DPYSL2: variants seen among roughly 807,000 people sequenced by gnomAD.
DPYSL2 encodes the protein dihydropyrimidinase like 2, also known as dihydropyrimidinase-related protein 2.
In DPYSL2, 13 loss-of-function variants were observed where a neutral mutation model predicts 69.9. That is an observed-to-expected ratio of 0.19 (90% CI 0.12 to 0.30). DPYSL2 has a LOEUF of 0.30. Among genes scored for constraint, DPYSL2 ranks in the 10% least tolerant of loss-of-function variants. The pLI is 1.00. For missense variants in DPYSL2, 587 were observed against 918.9 expected (o/e 0.64, Z 4.67); for synonymous variants, 326 against 359.1 (o/e 0.91, Z 1.04).
rs1038063509 is a variant in DPYSL2, at chr8:26,585,496, C to T, written c.628+1513C>T. Among the ~76,000 whole-genome samples the T allele has an allele frequency of 3.3e-5, 5 of 152,058 alleles. No individual in the cohort carries two copies. Among genetic ancestry groups the T allele is most frequent in the Admixed American group, 1.3e-4 (2 of 15,272 alleles). ...GAAAAGCCTCCAAGTGTAAGCCTTG[C>T]GACTTGTGTCTTGCTGTACATGTTG... On this transcript the variant is annotated intron_variant, in intron 3 of 13. Coordinates refer to ENST00000521913, the MANE Select transcript of DPYSL2 (RefSeq NM_001197293.3). This position sits in a 1 kb window ranked among gnomAD's most constrained non-coding sequence, Gnocchi z 4.0.
chr8:26,569,367 AAAAC>A (rs1563390231), intron 1 of DPYSL2, among the ~76,000 whole-genome samples: 1,333 of 131,670 alleles, frequency 0.01, 30 homozygotes, highest in African/African-American at 0.035. Context: ...AAAAAAAACA[AAAAC>A]AAAAACAAAA....
chr8:26,622,965 TC>T (rs1248306338), intron 3 of DPYSL2, among the ~76,000 whole-genome samples: 1 of 152,320 alleles, frequency 6.6e-6, no homozygotes, highest in East Asian at 1.9e-4. Context: ...AAGTGTTCAG[TC>T]CTGGTTTTTA....
chr8:26,593,221 A>G lies in DPYSL2; in HGVS notation c.628+9238A>G, dbSNP rs1428186608. On this transcript the variant is annotated intron_variant, in intron 3 of 13. Transcript: ENST00000521913. This position sits in a 1 kb window ranked among gnomAD's most constrained non-coding sequence, Gnocchi z 5.7. Reference sequence around the variant, plus strand: ...TGCTGTCCAGTTAAGAGAATTTTGCAATGAACTAGGGCAGTGGTTTAAAAA... The same window carrying G: ...TGCTGTCCAGTTAAGAGAATTTTGCGATGAACTAGGGCAGTGGTTTAAAAA... 6.6e-6 allele frequency among the ~76,000 whole-genome samples: 1 copy of G among 152,086 alleles called. No individual in the cohort carries two copies. The highest frequency in any genetic ancestry group is 1.5e-5 in the Non-Finnish European group (1 of 68,026).
At chr8:26,637,631 A>C (rs551120510) in intron 8 of DPYSL2, 1 of 152,348 alleles carries the variant, frequency 6.6e-6, no homozygotes, top group East Asian at 1.9e-4. Flanking sequence ...GGTAATGTAC[A>C]CACAAGGATT....
Position 26,580,794 on chromosome 8 carries a change from A to G in DPYSL2, c.355-1175A>G, listed in dbSNP as rs1462353383. ...AAATGTGTTGCATATTAAAAGGGCA[A>G]TGTATGGTTCAGCTTGCCAGGTTTA... On this transcript the variant is annotated intron_variant, in intron 1 of 13. Coordinates refer to ENST00000521913, the MANE Select transcript of DPYSL2 (RefSeq NM_001197293.3). The surrounding 1 kb of genome is among the most constrained non-coding windows in gnomAD (Gnocchi z 4.1). Among the ~76,000 whole-genome samples the G allele has an allele frequency of 1.3e-5, 2 of 152,198 alleles. No individual in the cohort carries two copies. Among genetic ancestry groups the G allele is most frequent in the African/African-American group, 2.4e-5 (1 of 41,448 alleles).
At chr8:26,568,476 A>C (rs972971698) in intron 1 of DPYSL2, among the ~76,000 whole-genome samples, 1 of 152,120 alleles carries the variant, frequency 6.6e-6, no homozygotes, top group African/African-American at 2.4e-5. Flanking sequence ...AGGGTGGGGG[A>C]GTAAGGAGGG....
chr8:26,622,165 C>CTT lies in DPYSL2; in HGVS notation c.629-1977_629-1976insTT. On this transcript the variant is annotated intron_variant, in intron 3 of 13. Coordinates refer to ENST00000521913, the MANE Select transcript of DPYSL2 (RefSeq NM_001197293.3). ...TCCTTCCTTCCTTCCTTCCCTCTCT[C>CTT]TCTCTTTCTTTCTTTCTTTCTTTTA... 9.9e-5 allele frequency among the ~76,000 whole-genome samples: 10 copies of CTT among 101,382 alleles called. No homozygotes were observed. In the South Asian group the frequency reaches 1.7e-3, roughly 18 times the overall value. 66.5% of individuals were successfully genotyped at this position (101,382 alleles called of 152,430 possible).
chr8:26,556,473 T>G (rs4872453), intron 1 of DPYSL2, among the ~76,000 whole-genome samples: 2 of 137,532 alleles, frequency 1.5e-5, no homozygotes, highest in Admixed American at 8.4e-5. Flanking sequence ...CTGGAACTAT[T>G]AAATGATTAT....
chr8:26,575,700 A>T (rs1801315643), intron 1 of DPYSL2, among the ~76,000 whole-genome samples: 1 of 152,234 alleles, frequency 6.6e-6, no homozygotes, highest in Admixed American at 6.5e-5. Context: ...AAACGATTCT[A>T]TGGTAAACTG....
intron 1 of DPYSL2, among the ~76,000 whole-genome samples, chr8:26,528,389 C>T (rs1808516344): frequency 6.6e-6 from 1 of 152,164 alleles, no homozygotes; most frequent in Non-Finnish European, 1.5e-5. Flanking sequence ...TGGCTCATGC[C>T]TATAATCCCA....
At chr8:26,616,434 G>T (rs1227283769) in intron 3 of DPYSL2, among the ~76,000 whole-genome samples, 1 of 152,158 alleles carries the variant, frequency 6.6e-6, no homozygotes, top group African/African-American at 2.4e-5. Flanking sequence ...GCCAGTGGAT[G>T]GCTTGTGTTA....
chr8:26,553,577 C>G (rs938576155), intron 1 of DPYSL2, among the ~76,000 whole-genome samples: 1 of 152,180 alleles, frequency 6.6e-6, no homozygotes, highest in Non-Finnish European at 1.5e-5. Context: ...TTTATGACTG[C>G]ATGGTATTCC....
At position 26,582,024 on chromosome 8, in the gene DPYSL2, A is replaced by C. The variant is rs1483556622; in HGVS notation, c.410A>C (p.Tyr137Ser). 11 of 1,614,002 alleles carry C rather than the reference A, an allele frequency of 6.8e-6. No homozygotes were observed. In the South Asian group the frequency reaches 9.9e-5, roughly 14 times the overall value. Residue 137 changes from tyrosine to serine, a missense_variant, in exon 2 of 14, where the codon TAT becomes TCT. This residue lies in a region of DPYSL2 where 452 missense variants were observed against 754.3 expected (regional missense o/e 0.60). Coordinates refer to ENST00000521913, the MANE Select transcript of DPYSL2 (RefSeq NM_001197293.3). This position sits in a 1 kb window ranked among gnomAD's most constrained non-coding sequence, Gnocchi z 4.1. ...GKIVNDDQSFYADIYMEDGLI... is the reference protein window; with the variant it reads ...GKIVNDDQSFSADIYMEDGLI... ...ATTGTTAATGATGACCAGTCGTTCT[A>C]TGCAGACATATACATGGAAGATGGG...
In DPYSL2 at chr8:26,610,201, T is replaced by C. The variant is rs1802195295; in HGVS notation, c.629-13942T>C. ...CTTTTGATTGGGATGACATGAAGTC[T>C]GTTAATGCGGGATCGTTTGTGTTAT... On this transcript the variant is annotated intron_variant, in intron 3 of 13. Coordinates refer to ENST00000521913, the MANE Select transcript of DPYSL2 (RefSeq NM_001197293.3). This position sits in a 1 kb window ranked among gnomAD's most constrained non-coding sequence, Gnocchi z 4.5. Among the ~76,000 whole-genome samples, 1 of 152,258 alleles carries C rather than the reference T, an allele frequency of 6.6e-6. No homozygotes were observed. The highest frequency in any genetic ancestry group is 1.5e-5 in the Non-Finnish European group (1 of 68,050).
intron 11 of DPYSL2, among the ~76,000 whole-genome samples, chr8:26,651,658 G>A (rs866868822): frequency 3.3e-5 from 5 of 152,230 alleles, no homozygotes; most frequent in Admixed American, 1.3e-4. Context: ...ACACAGATAT[G>A]TCTCTGTTTT....
chr8:26,526,362 G>C (rs538515416), intron 1 of DPYSL2, among the ~76,000 whole-genome samples: 4 of 152,126 alleles, frequency 2.6e-5, no homozygotes, highest in African/African-American at 7.2e-5. Flanking sequence ...CAAAGTGCTG[G>C]GATTACAGGA....
chr8:26,646,476 AT>A (rs2129979679), intron 10 of DPYSL2, among the ~76,000 whole-genome samples: 1 of 152,240 alleles, frequency 6.6e-6, no homozygotes, highest in South Asian at 2.1e-4. Flanking sequence ...TTTGTGTCTT[AT>A]TGTTTTACAT....
chr8:26,623,694 C>T (rs1037588701), intron 3 of DPYSL2, among the ~76,000 whole-genome samples: 2 of 151,946 alleles, frequency 1.3e-5, no homozygotes, highest in Non-Finnish European at 2.9e-5. Flanking sequence ...AGGTAATGCC[C>T]GGGAACTTTT....
chr8:26,535,103 G>A (rs548430906), intron 1 of DPYSL2, among the ~76,000 whole-genome samples: 2 of 152,284 alleles, frequency 1.3e-5, no homozygotes, highest in East Asian at 3.9e-4. Context: ...CAGTTCTGGA[G>A]GATGGCAGTC....
Sources: allele counts gnomAD v4.1 joint callset (sites outside exome capture counted in the v4.1 genomes callset), GRCh38; gene constraint gnomAD v4.1.1; regional missense constraint gnomAD v4.1.1; non-coding constraint Gnocchi (gnomAD v3.1); transcripts MANE v1.5; gene names NCBI Gene and HGNC (gene_info 2026-07-23, HGNC 2026-07-21).